The following CDH1 variants were observed in gnomAD, a reference collection of about 807,000 sequenced individuals.
CDH1 encodes cadherin-1.
In CDH1, 35 loss-of-function variants were observed where a neutral mutation model predicts 84.5. That is an observed-to-expected ratio of 0.41 (90% CI 0.32 to 0.55). The LOEUF (loss-of-function observed/expected upper bound fraction) is 0.55, where lower values mean the gene tolerates loss of function less well. Among genes scored for constraint, CDH1 ranks in the 20% least tolerant of loss-of-function variants. CDH1 has a pLI of 0.19. For synonymous variants in CDH1, 417 were observed against 439.0 expected (o/e 0.95, Z 0.63); for missense variants, 994 against 1,126.6 (o/e 0.88, Z 1.68).
chr16:68,764,785 T>TC (rs1467828876), intron 2 of CDH1, among the ~76,000 whole-genome samples: 2 of 152,196 alleles, frequency 1.3e-5, no homozygotes, highest in East Asian at 3.8e-4. Flanking sequence ...AGGGAGCCCC[T>TC]TCCTTCTGTC....
rs369898822 is a variant in CDH1, at chr16:68,778,630, T to C, written c.164-23040T>C. On this transcript the variant is annotated intron_variant, in intron 2 of 15. Coordinates refer to ENST00000261769, the MANE Select transcript of CDH1 (RefSeq NM_004360.5). ...AAGGAAATGGACACCTGAGATAAGC[T>C]GAATATATTGTGTGTGTAATCAGAA... Among the ~76,000 whole-genome samples the C allele has an allele frequency of 7.9e-5, 12 of 152,188 alleles. 1 individual carries two copies. Among genetic ancestry groups the C allele is most frequent in the African/African-American group, 2.4e-4 (10 of 41,534 alleles).
At chr16:68,777,958 C>T (rs1273865668) in intron 2 of CDH1, among the ~76,000 whole-genome samples, 1 of 152,184 alleles carries the variant, frequency 6.6e-6, no homozygotes, top group Non-Finnish European at 1.5e-5. Flanking sequence ...TCTCAAACTC[C>T]TGACCTCAGG....
At chr16:68,765,989 G>A (rs1959369912) in intron 2 of CDH1, among the ~76,000 whole-genome samples, 1 of 152,168 alleles carries the variant, frequency 6.6e-6, no homozygotes, top group African/African-American at 2.4e-5. Flanking sequence ...GCCAGGCACG[G>A]TGGCTCATGC....
At position 68,811,569 on chromosome 16, in the gene CDH1, C is replaced by T. The variant is rs570400612; in HGVS notation, c.833-115C>T. The T allele has an allele frequency of 7.3e-5, 65 of 893,102 alleles. No homozygotes were observed. The African/African-American group carries it at 8.0e-4, about 11-fold the overall frequency. 55.3% of individuals were successfully genotyped at this position (893,102 alleles called of 1,614,324 possible). ...TTCTAGGAATTAGGGAACTCTGACACGGTACCACCCCCATGTCCCCTCCTT... is the reference window on the plus strand; with the variant it reads ...TTCTAGGAATTAGGGAACTCTGACATGGTACCACCCCCATGTCCCCTCCTT... On this transcript the variant is annotated intron_variant, in intron 6 of 15. Transcript: ENST00000261769.
intron 2 of CDH1, among the ~76,000 whole-genome samples, chr16:68,746,156 G>T (rs749498243): frequency 6.6e-6 from 1 of 152,302 alleles, no homozygotes; most frequent in Middle Eastern, 3.4e-3. Flanking sequence ...GGCCAGGTGC[G>T]GTGGCTTACG....
chr16:68,738,001 T>C (rs2152114190), intron 1 of CDH1, among the ~76,000 whole-genome samples: 1 of 151,792 alleles, frequency 6.6e-6, no homozygotes, highest in East Asian at 1.9e-4. Flanking sequence ...GAAAGTGGGG[T>C]ACTGGAGAAT....
At chr16:68,782,132 T>C (rs1567492466) in intron 2 of CDH1, among the ~76,000 whole-genome samples, 1 of 152,180 alleles carries the variant, frequency 6.6e-6, no homozygotes, top group Non-Finnish European at 1.5e-5. Context: ...GGCTTCCTTC[T>C]GGCTCCACAG....
chr16:68,780,179 A>G (rs754293004), intron 2 of CDH1, among the ~76,000 whole-genome samples: 2 of 151,902 alleles, frequency 1.3e-5, no homozygotes, highest in African/African-American at 2.4e-5. Context: ...CCCTTCCAGC[A>G]AGTCTTAGGT....
chr16:68,762,912 C>CAAAAAAAAAAAAAAAAAAAAAAAAAA, intron 2 of CDH1, among the ~76,000 whole-genome samples: 1 of 61,464 alleles, frequency 1.6e-5, no homozygotes, highest in Non-Finnish European at 2.7e-5. Flanking sequence ...GATTCCGTCT[C>CAAAAAAAAAAAAAAAAAAAAAAAAAA]AAAAAAAAAA....
At chr16:68,760,389 C>G (rs1201591616) in intron 2 of CDH1, among the ~76,000 whole-genome samples, 1 of 149,416 alleles carries the variant, frequency 6.7e-6, no homozygotes, top group Non-Finnish European at 1.5e-5. Flanking sequence ...ACTGGGATTA[C>G]AGGCATGAGC....
chr16:68,797,523 A>G (rs537316505), intron 2 of CDH1, among the ~76,000 whole-genome samples: 6 of 152,056 alleles, frequency 3.9e-5, no homozygotes, highest in Non-Finnish European at 8.8e-5. Flanking sequence ...TCTCTACAAT[A>G]AATAAAATTA....
chr16:68,757,998 G>C (rs1963061099), intron 2 of CDH1, among the ~76,000 whole-genome samples: 1 of 127,708 alleles, frequency 7.8e-6, no homozygotes, highest in African/African-American at 2.9e-5. Context: ...ATTTTTTGTA[G>C]AGACGAGGTT....
At chr16:68,823,106 C>T in intron 12 of CDH1, 1 of 394,206 alleles carries the variant, frequency 2.5e-6, no homozygotes, top group South Asian at 2.7e-5. Context: ...CGGGAGCCTA[C>T]CGAACCCAGC....
At chr16:68,805,423 C>T (rs749578000) in intron 3 of CDH1, among the ~76,000 whole-genome samples, 8 of 152,176 alleles carry the variant, frequency 5.3e-5, no homozygotes, top group Non-Finnish European at 1.0e-4. Flanking sequence ...TTTGCCAGCA[C>T]AGTGTTCATC....
chr16:68,811,782 C>A lies in CDH1; in HGVS notation c.931C>A (p.Leu311Ile), dbSNP rs767003567. The change falls in exon 7 of 16, where the codon CTC (leucine) becomes ATC (isoleucine). Residue 311 changes from leucine to isoleucine, a missense_variant. Leu to Ile is a conservative substitution (Grantham distance 5). Around this residue, in one of 3 missense-constraint regions of CDH1, gnomAD observed 769 missense variants for 881.8 expected, o/e 0.87. Transcript: ENST00000261769. ...AYTILSQDPE[L>I]PDKNMFTINR... The stretch of plus-strand genomic sequence containing the variant: ...CACCATCCTCAGCCAAGATCCTGAG[C>A]TCCCTGACAAAAATATGTTCACCAT... 1 of 1,613,986 alleles carries A rather than the reference C, an allele frequency of 6.2e-7. No individual in the cohort carries two copies. The highest frequency in any genetic ancestry group is 1.3e-5 in the African/African-American group (1 of 74,878).
intron 2 of CDH1, among the ~76,000 whole-genome samples, chr16:68,783,389 A>C (rs1959938069): frequency 8.4e-6 from 1 of 119,068 alleles, no homozygotes; most frequent in Admixed American, 8.5e-5. Context: ...AGAGTATCTC[A>C]AAAAAAAAAA....
chr16:68,745,549 A>AAAAAATATATATATATGTAT (rs1555510453), intron 2 of CDH1, among the ~76,000 whole-genome samples: 3 of 75,182 alleles, frequency 4.0e-5, no homozygotes, highest in African/African-American at 1.1e-4. Flanking sequence ...AAAAAAAAAA[A>AAAAAATATATATATATGTAT]ATATATATAT....
chr16:68,784,586 AC>A (rs1357821292), intron 2 of CDH1, among the ~76,000 whole-genome samples: 4 of 151,910 alleles, frequency 2.6e-5, no homozygotes, highest in Non-Finnish European at 4.4e-5. Context: ...ATTTTGGTGC[AC>A]CCATGATTGG....
chr16:68,745,057 G>A (rs1962685817), intron 2 of CDH1, among the ~76,000 whole-genome samples: 1 of 152,110 alleles, frequency 6.6e-6, no homozygotes, highest in Admixed American at 6.6e-5. Flanking sequence ...CGGGTTTGTT[G>A]TGGCTTAGGA....
Sources: allele counts gnomAD v4.1 joint callset (sites outside exome capture counted in the v4.1 genomes callset), GRCh38; gene constraint gnomAD v4.1.1; regional missense constraint gnomAD v4.1.1; transcripts MANE v1.5; gene names NCBI Gene and HGNC (gene_info 2026-07-23, HGNC 2026-07-21).